The following CFAP95 variants were observed in gnomAD, a reference collection of about 807,000 sequenced individuals.
CFAP95 encodes cilia and flagella associated protein 95.
At chr9:69,900,322 G>A in the CFAP95 span, among the ~76,000 whole-genome samples, 10 of 152,066 alleles carry the variant, frequency 6.6e-5, no homozygotes. Flanking sequence ...CAACAAGAAT[G>A]CAGCTTTCCC....
At chr9:69,856,535 T>C in the CFAP95 span, 1 of 1,456,840 alleles carries the variant, frequency 6.9e-7, no homozygotes, top group Non-Finnish European at 9.5e-7. Flanking sequence ...TTTTCTTATA[T>C]GTGGCTTCTA....
chr9:69,847,235 T>G, the CFAP95 span, among the ~76,000 whole-genome samples: 1 of 152,180 alleles, frequency 6.6e-6, no homozygotes. Flanking sequence ...TGCATCCTAT[T>G]GATGCAATAG....
chr9:69,889,973 G>T, the CFAP95 span, among the ~76,000 whole-genome samples: 1 of 151,988 alleles, frequency 6.6e-6, no homozygotes, highest in Non-Finnish European at 1.5e-5. Context: ...TAGCACAGTT[G>T]GCCAATGAAT....
the CFAP95 span, among the ~76,000 whole-genome samples, chr9:69,877,436 C>A: frequency 1.3e-5 from 2 of 152,208 alleles, no homozygotes; most frequent in African/African-American, 2.4e-5. Context: ...ATCCACCATT[C>A]CACACGTACA....
chr9:69,894,611 G>A, the CFAP95 span, among the ~76,000 whole-genome samples: 1 of 152,194 alleles, frequency 6.6e-6, no homozygotes, highest in Non-Finnish European at 1.5e-5. Flanking sequence ...TGAGGAATCT[G>A]TGTCCCAGAG....
At chr9:69,864,747 T>A in the CFAP95 span, among the ~76,000 whole-genome samples, 25 of 152,044 alleles carry the variant, frequency 1.6e-4, no homozygotes, top group Middle Eastern at 3.4e-3. Context: ...CATTAGCATC[T>A]ATAAAACCTT....
the CFAP95 span, among the ~76,000 whole-genome samples, chr9:69,883,433 G>A: frequency 4.6e-5 from 7 of 152,272 alleles, no homozygotes; most frequent in Non-Finnish European, 1.0e-4. Context: ...TTTCTGGTTG[G>A]AGATGTCATT....
At chr9:69,832,694 C>CTT in the CFAP95 span, among the ~76,000 whole-genome samples, 44 of 76,032 alleles carry the variant, frequency 5.8e-4, no homozygotes, top group Middle Eastern at 8.2e-3. Flanking sequence ...TAGGCCTAAA[C>CTT]TTTTTTTTTT....
chr9:69,864,560 G>A, the CFAP95 span, among the ~76,000 whole-genome samples: 1 of 152,074 alleles, frequency 6.6e-6, no homozygotes. Flanking sequence ...CTAGGAGAAA[G>A]GCATCTATAG....
At chr9:69,833,304 T>C in the CFAP95 span, among the ~76,000 whole-genome samples, 1 of 152,226 alleles carries the variant, frequency 6.6e-6, no homozygotes, top group Non-Finnish European at 1.5e-5. Flanking sequence ...CATAATATTT[T>C]CAAGGTTCAT....
chr9:69,864,305 GTGTGTGTATGTGCA>G, the CFAP95 span, among the ~76,000 whole-genome samples: 1 of 152,098 alleles, frequency 6.6e-6, no homozygotes, highest in East Asian at 1.9e-4. Context: ...AATTGTGTGT[GTGTGTGTATGTGCA>G]TGTGTGTATA....
the CFAP95 span, among the ~76,000 whole-genome samples, chr9:69,826,842 A>C: frequency 1.3e-5 from 2 of 152,222 alleles, no homozygotes; most frequent in African/African-American, 2.4e-5. Context: ...GAGCAGGCAG[A>C]AAGAATAAAG....
At chr9:69,840,605 C>T in the CFAP95 span, among the ~76,000 whole-genome samples, 22 of 151,894 alleles carry the variant, frequency 1.4e-4, no homozygotes, top group Non-Finnish European at 1.6e-4. Flanking sequence ...CTTTAGAAAG[C>T]CTCAATCATT....
At chr9:69,880,477 A>G in the CFAP95 span, among the ~76,000 whole-genome samples, 1 of 152,204 alleles carries the variant, frequency 6.6e-6, no homozygotes, top group Non-Finnish European at 1.5e-5. Flanking sequence ...ATGTTGTTGC[A>G]AAAGACAGAA....
At chr9:69,865,912 A>T in the CFAP95 span, among the ~76,000 whole-genome samples, 1 of 152,034 alleles carries the variant, frequency 6.6e-6, no homozygotes, top group Non-Finnish European at 1.5e-5. Flanking sequence ...CCCTACAAAA[A>T]CTCTATGAAT....
the CFAP95 span, among the ~76,000 whole-genome samples, chr9:69,836,381 C>T: frequency 3.9e-5 from 6 of 152,064 alleles, no homozygotes; most frequent in South Asian, 4.2e-4. Context: ...TTAGCAGCAT[C>T]GCTGTCCTCT....
chr9:69,836,315 A>T, the CFAP95 span, among the ~76,000 whole-genome samples: 2 of 151,712 alleles, frequency 1.3e-5, no homozygotes, highest in Non-Finnish European at 2.9e-5. Context: ...TACTATGGAC[A>T]TTTTGGGCAA....
At chr9:69,843,517 T>A in the CFAP95 span, among the ~76,000 whole-genome samples, 8 of 2,456 alleles carry the variant, frequency 3.3e-3, 1 homozygote, top group African/African-American at 6.1e-3. Context: ...CTCCTCCTCC[T>A]CCTCCTCCTC....
chr9:69,889,884 C>T, the CFAP95 span, among the ~76,000 whole-genome samples: 3 of 151,914 alleles, frequency 2.0e-5, no homozygotes, highest in Non-Finnish European at 4.4e-5. Context: ...AATTAAGTTA[C>T]AAAGTTGCAT....
Sources: gnomAD v4.1 joint callset for allele counts (sites outside exome capture counted in the v4.1 genomes callset) on GRCh38, gnomAD v4.1.1 for gene constraint, MANE v1.5 for transcripts, NCBI Gene and HGNC (gene_info 2026-07-23, HGNC 2026-07-21) for gene names.